DRC11L: variants seen among roughly 807,000 people sequenced by gnomAD.
DRC11L encodes dynein regulatory complex subunit like-11.
chr7:151,202,263 T>C, the DRC11L span, among the ~76,000 whole-genome samples: 1 of 152,190 alleles, frequency 6.6e-6, no homozygotes, highest in Non-Finnish European at 1.5e-5. Flanking sequence ...TCAGGATCCT[T>C]TCTTGTTTTA....
the DRC11L span, chr7:151,195,304 CAG>C: frequency 2.5e-6 from 1 of 397,924 alleles, no homozygotes; most frequent in Non-Finnish European, 4.4e-6. Flanking sequence ...GCCAGGGAGT[CAG>C]AGAGGGAAAG....
At chr7:151,191,156 AGATT>A in the DRC11L span, 1 of 399,718 alleles carries the variant, frequency 2.5e-6, no homozygotes. Context: ...CCCCTTTTAC[AGATT>A]GTTTCCTCAG....
the DRC11L span, among the ~76,000 whole-genome samples, chr7:151,202,115 A>G: frequency 6.6e-6 from 1 of 152,174 alleles, no homozygotes; most frequent in Non-Finnish European, 1.5e-5. Context: ...GAGACAGGGG[A>G]TAGAATTATG....
chr7:151,193,217 G>T, the DRC11L span: 5 of 398,592 alleles, frequency 1.3e-5, no homozygotes, highest in Non-Finnish European at 2.2e-5. Context: ...GATGGGTGAC[G>T]TGACCTCAAA....
the DRC11L span, chr7:151,199,136 C>T: frequency 2.3e-5 from 9 of 396,922 alleles, no homozygotes; most frequent in South Asian, 1.4e-4. This position sits in a 1 kb window ranked among gnomAD's most constrained non-coding sequence, Gnocchi z 5.2. Context: ...CACAAGGCCT[C>T]ACACACACAC....
chr7:151,195,291 G>C, the DRC11L span: 2 of 397,186 alleles, frequency 5.0e-6, no homozygotes, highest in Non-Finnish European at 8.9e-6. Context: ...CTTGGTGAAC[G>C]AGGCCAGGGA....
At chr7:151,192,229 G>A in the DRC11L span, 3 of 398,980 alleles carry the variant, frequency 7.5e-6, no homozygotes, top group East Asian at 1.1e-4. Flanking sequence ...GGCGGGAGGT[G>A]GGCAGGCTTT....
the DRC11L span, among the ~76,000 whole-genome samples, chr7:151,191,411 G>A: frequency 2.6e-5 from 4 of 152,188 alleles, no homozygotes; most frequent in Non-Finnish European, 4.4e-5. Flanking sequence ...CTGATACCTC[G>A]GTGGTTCTTG....
At chr7:151,197,355 G>T in the DRC11L span, 838 of 398,994 alleles carry the variant, frequency 2.1e-3, 3 homozygotes, top group Admixed American at 3.1e-3. Flanking sequence ...AGACATTTCA[G>T]AGAAGATCAA....
chr7:151,200,463 G>A, the DRC11L span: 1 of 399,340 alleles, frequency 2.5e-6, no homozygotes, highest in Non-Finnish European at 4.4e-6. Context: ...ACCTGGCGGA[G>A]GGATGTAGGG....
the DRC11L span, chr7:151,191,786 G>A: frequency 3.4e-4 from 137 of 399,236 alleles, no homozygotes; most frequent in East Asian, 3.6e-3. Flanking sequence ...GTGACCCGGC[G>A]TGTAGCCATC....
chr7:151,202,073 T>A, the DRC11L span, among the ~76,000 whole-genome samples: 2 of 152,264 alleles, frequency 1.3e-5, no homozygotes, highest in Non-Finnish European at 2.9e-5. Context: ...TCGGGGAACC[T>A]TAGGGCAGAG....
the DRC11L span, among the ~76,000 whole-genome samples, chr7:151,193,730 T>G: frequency 1.3e-5 from 2 of 151,976 alleles, no homozygotes; most frequent in South Asian, 4.2e-4. Context: ...TGTGCATGGG[T>G]CTGGGAGGAG....
At chr7:151,192,697 G>T in the DRC11L span, 1 of 399,092 alleles carries the variant, frequency 2.5e-6, no homozygotes, top group Non-Finnish European at 4.4e-6. Context: ...CTTAGCCCCA[G>T]CTCACGCTAC....
At chr7:151,199,606 G>A in the DRC11L span, among the ~76,000 whole-genome samples, 2 of 152,038 alleles carry the variant, frequency 1.3e-5, no homozygotes, top group Admixed American at 1.3e-4. This position sits in a 1 kb window ranked among gnomAD's most constrained non-coding sequence, Gnocchi z 5.2. Flanking sequence ...GCAGCCCCTG[G>A]CCCCTCCTTC....
the DRC11L span, chr7:151,191,032 T>C: frequency 2.5e-6 from 1 of 400,030 alleles, no homozygotes; most frequent in East Asian, 3.6e-5. Flanking sequence ...GGCCTCCAAC[T>C]GGTCCATCCT....
the DRC11L span, chr7:151,194,329 C>T: frequency 1.5e-5 from 6 of 398,992 alleles, no homozygotes; most frequent in Non-Finnish European, 2.2e-5. Flanking sequence ...ACTTCTTCAC[C>T]AAACTCAGAG....
At chr7:151,203,171 A>G in the DRC11L span, 26 of 398,788 alleles carry the variant, frequency 6.5e-5, no homozygotes, top group African/African-American at 5.3e-4. Context: ...CTGGGAGACC[A>G]GCCATCAAAG....
At chr7:151,196,031 CCACGGTACTTTCCT>C in the DRC11L span, 1 of 229,426 alleles carries the variant, frequency 4.4e-6, no homozygotes, top group African/African-American at 2.2e-5. Context: ...ATCAGGAAAA[CCACGGTACTTTCCT>C]CATGGGTTGT....
Sources: allele counts gnomAD v4.1 joint callset (sites outside exome capture counted in the v4.1 genomes callset), GRCh38; gene constraint gnomAD v4.1.1; non-coding constraint Gnocchi (gnomAD v3.1); transcripts MANE v1.5; gene names NCBI Gene and HGNC (gene_info 2026-07-23, HGNC 2026-07-21).